Variants in SNX29 observed in about 807,000 individuals in gnomAD.
The protein encoded by SNX29 is sorting nexin-29.
SNX29 carries 78 observed loss-of-function variants against 102.1 expected under a neutral mutation model. The ratio of observed to expected loss-of-function variants is 0.76; its 90% CI spans 0.64 to 0.92. The LOEUF is 0.92. SNX29 is among the 40% of genes least tolerant of loss of function. The pLI is 0.00. For synonymous variants in SNX29, 580 were observed against 414.5 expected (o/e 1.40, Z -4.85); for missense variants, 1,280 against 1,061.7 (o/e 1.21, Z -2.86).
chr16:12,128,872 A>C (rs1368825368), intron 12 of SNX29, among the ~76,000 whole-genome samples: 5 of 152,214 alleles, frequency 3.3e-5, no homozygotes, highest in African/African-American at 4.8e-5. Flanking sequence ...AATGGTTAGC[A>C]GCACCATGGT....
At chr16:12,490,401 G>A (rs1312887145) in intron 19 of SNX29, among the ~76,000 whole-genome samples, 2 of 152,160 alleles carry the variant, frequency 1.3e-5, no homozygotes, top group African/African-American at 4.8e-5. Context: ...TCATTGCTCT[G>A]TAATAGTCCA....
At chr16:12,545,108 C>T (rs1292966532) in intron 20 of SNX29, among the ~76,000 whole-genome samples, 1 of 152,146 alleles carries the variant, frequency 6.6e-6, no homozygotes, top group African/African-American at 2.4e-5. Context: ...GCTGCAGTAG[C>T]CAGCTCTGTG....
chr16:12,062,437 G>A (rs144219361), intron 9 of SNX29, among the ~76,000 whole-genome samples: 55 of 151,034 alleles, frequency 3.6e-4, no homozygotes, highest in African/African-American at 1.3e-3. Flanking sequence ...TCTGGTATGG[G>A]TAAGCATTTT....
intron 20 of SNX29, among the ~76,000 whole-genome samples, chr16:12,542,416 G>A (rs920128239): frequency 6.6e-6 from 1 of 152,196 alleles, no homozygotes; most frequent in Non-Finnish European, 1.5e-5. Flanking sequence ...CCTCACTACA[G>A]CCTTCGCCTC....
rs535536949 is a variant in SNX29, at chr16:12,521,193, A to C, written c.2179-3509A>C. Among the ~76,000 whole-genome samples the C allele has an allele frequency of 3.9e-5, 6 of 152,274 alleles. No individual in the cohort carries two copies. The South Asian group carries it at 1.2e-3, about 32-fold the overall frequency. ...AGACACTGTCTCAAAAAAACAAAAA[A>C]CAAAAACAAATAAAACACTCGTTCA... On this transcript the variant is annotated intron_variant, in intron 19 of 20. Coordinates refer to ENST00000566228, the MANE Select transcript of SNX29 (RefSeq NM_032167.5).
At chr16:12,042,809 C>T in intron 4 of SNX29, 88 bp from the exon 5 acceptor site, 1 of 1,386,560 alleles carries the variant, frequency 7.2e-7, no homozygotes, top group East Asian at 2.3e-5. Flanking sequence ...GTTACAATCT[C>T]CAACTTCGCC....
At position 12,573,451 on chromosome 16, in the gene SNX29, T is replaced by C. The variant is rs919137948; in HGVS notation, c.*4822T>C. The C allele has an allele frequency of 4.0e-5, 9 of 224,028 alleles. No individual in the cohort carries two copies. The highest frequency in any genetic ancestry group is 1.8e-4 in the African/African-American group (8 of 44,844). 13.9% of individuals were successfully genotyped at this position (224,028 alleles called of 1,614,324 possible). A position where few individuals can be genotyped will look rare whatever the true frequency, so the allele number is the denominator to read the frequency against. ...TTCCTTAATAAGATAGTTGAGCCTA[T>C]GACATTAAGGAGCAGCGCTGCTGGC... is the stretch of plus-strand genomic sequence containing the variant. On this transcript the variant is annotated 3_prime_UTR_variant, in exon 21 of 21. Coordinates refer to ENST00000566228, the MANE Select transcript of SNX29 (RefSeq NM_032167.5).
rs922801930 is a variant in SNX29, at chr16:12,521,468, T to C, written c.2179-3234T>C. 7.9e-5 allele frequency among the ~76,000 whole-genome samples: 12 copies of C among 151,840 alleles called. 1 individual carries two copies. The highest frequency in any genetic ancestry group is 2.9e-4 in the African/African-American group (12 of 41,304). ...TAACCTTCATTTTGGGGGTGGGGGG[T>C]TCACTTTCCTTGGGCTCTGTAGCAC... On this transcript the variant is annotated intron_variant, in intron 19 of 20. Transcript: ENST00000566228.
chr16:11,994,408 G>A (rs966773925), intron 1 of SNX29, among the ~76,000 whole-genome samples: 7 of 152,324 alleles, frequency 4.6e-5, no homozygotes, highest in East Asian at 1.9e-4. Flanking sequence ...GGGTTTGATC[G>A]CTCCTGTGTG....
chr16:12,291,864 G>A (rs930116578), intron 15 of SNX29, among the ~76,000 whole-genome samples: 1 of 152,212 alleles, frequency 6.6e-6, no homozygotes, highest in Non-Finnish European at 1.5e-5. Flanking sequence ...CTCAGTGCAT[G>A]AATGAATGGA....
At chr16:12,464,229 C>CGTGTGTGTGTGTGTGTGTGT (rs138917966) in intron 18 of SNX29, among the ~76,000 whole-genome samples, 3,806 of 141,000 alleles carry the variant, frequency 0.027, 84 homozygotes, top group East Asian at 0.095. Flanking sequence ...TATTCCATGG[C>CGTGTGTGTGTGTGTGTGTGT]GTGTGTGTGT....
chr16:12,452,739 G>A (rs2160562), intron 18 of SNX29, among the ~76,000 whole-genome samples: 47,076 of 151,918 alleles, frequency 0.31, 7,618 homozygotes, highest in African/African-American at 0.41. Flanking sequence ...TGGGCCCATG[G>A]GTGTGAGGAG....
At chr16:12,476,409 T>TAC (rs1567603301) in intron 18 of SNX29, among the ~76,000 whole-genome samples, 21 of 20,206 alleles carry the variant, frequency 1.0e-3, no homozygotes, top group African/African-American at 1.8e-3. Context: ...TATATATATA[T>TAC]ATACATATAT....
chr16:12,403,653 AC>A, intron 18 of SNX29, 124 bp downstream of exon 18: 1 of 912,164 alleles, frequency 1.1e-6, no homozygotes, highest in Non-Finnish European at 1.7e-6. Flanking sequence ...CCTTCCAGAC[AC>A]CCACATCTTA....
chr16:12,571,696 A>T lies in SNX29; in HGVS notation c.*3067A>T. The T allele has an allele frequency of 9.4e-7, 1 of 1,059,528 alleles. No homozygotes were observed. Among genetic ancestry groups the T allele is most frequent in the Non-Finnish European group, 1.1e-6 (1 of 875,378 alleles). 65.6% of individuals were successfully genotyped at this position (1,059,528 alleles called of 1,614,324 possible). ...CAGAGGTGTCTCTCCTTGAGAGACAACAAAAGCTTCTAAGGGAGGGAGCTT... is the reference window on the plus strand; with the variant it reads ...CAGAGGTGTCTCTCCTTGAGAGACATCAAAAGCTTCTAAGGGAGGGAGCTT... On this transcript the variant is annotated 3_prime_UTR_variant, in exon 21 of 21. Transcript: ENST00000566228.
At chr16:12,486,732 G>C (rs1042805733) in intron 19 of SNX29, among the ~76,000 whole-genome samples, 1 of 152,158 alleles carries the variant, frequency 6.6e-6, no homozygotes. Context: ...CAGTGCCGTG[G>C]AGAGCAGGGG....
At chr16:12,023,054 G>A (rs1200407187) in intron 3 of SNX29, among the ~76,000 whole-genome samples, 1 of 151,672 alleles carries the variant, frequency 6.6e-6, no homozygotes, top group African/African-American at 2.4e-5. Context: ...CTGCTGTAAC[G>A]CCCAGTGAAT....
intron 20 of SNX29, among the ~76,000 whole-genome samples, chr16:12,564,785 C>G (rs116723547): frequency 2.0e-5 from 3 of 151,604 alleles, no homozygotes; most frequent in African/African-American, 7.3e-5. Context: ...TTGCAGCCAG[C>G]TAAGAAATGG....
chr16:12,042,763 T>C, intron 4 of SNX29, 134 bp from the exon 5 acceptor site: 2 of 866,702 alleles, frequency 2.3e-6, no homozygotes, highest in Non-Finnish European at 3.5e-6. Context: ...GTCTTTGGTG[T>C]TATCTCCTAC....
Sources: gnomAD v4.1 joint callset for allele counts (sites outside exome capture counted in the v4.1 genomes callset) on GRCh38, gnomAD v4.1.1 for gene constraint, MANE v1.5 for transcripts, NCBI Gene and HGNC (gene_info 2026-07-23, HGNC 2026-07-21) for gene names.